Variants in MEMO1 observed in about 807,000 individuals in gnomAD.
MEMO1 encodes the protein protein MEMO1.
MEMO1 carries 6 observed loss-of-function variants against 45.2 expected under a neutral mutation model. The observed-to-expected ratio is 0.13, with a 90% CI of 0.07 to 0.26. The LOEUF is 0.26. Among genes scored for constraint, MEMO1 ranks in the 10% least tolerant of loss-of-function variants. MEMO1 has a pLI of 1.00. For synonymous variants in MEMO1, 78 were observed against 124.3 expected, an observed-to-expected ratio of 0.63 and a Z score of 2.48; for missense variants, 184 against 370.5, an observed-to-expected ratio of 0.50 and a Z score of 4.13.
chr2:31,944,991 T>C lies in MEMO1; in HGVS notation c.62-1608A>G, dbSNP rs1463878684. 2.0e-5 allele frequency among the ~76,000 whole-genome samples: 3 copies of C among 152,310 alleles called. No homozygotes were observed. The East Asian group carries it at 5.8e-4, about 29-fold the overall frequency. On this transcript the variant is annotated intron_variant, in intron 2 of 9. Transcript: ENST00000404530. ...GTTAAGAAATAAATGAATACCTTGC[T>C]GATCCCTTTGTACATCTCCCTCCTT...
chr2:31,988,869 C>G (rs907980089), intron 2 of MEMO1, among the ~76,000 whole-genome samples: 9 of 152,086 alleles, frequency 5.9e-5, no homozygotes, highest in Admixed American at 5.2e-4. Context: ...GAAAGAACAA[C>G]TAGTTACTTA....
chr2:31,891,953 T>C lies in MEMO1; in HGVS notation c.580+39A>G, dbSNP rs748824518. 88 of 1,576,726 alleles carry C rather than the reference T, an allele frequency of 5.6e-5. No individual in the cohort carries two copies. The South Asian group carries it at 8.8e-4, about 16-fold the overall frequency. On this transcript the variant is annotated intron_variant, in intron 7 of 9. Coordinates refer to ENST00000404530, the MANE Select transcript of MEMO1 (RefSeq NM_001301833.4). ...GAAAAGATACCTTTAACCAGAAGTA[T>C]ATAACATCTACCATGATATGTTAAA...
In MEMO1 at chr2:31,997,920, G is replaced by C. The variant is rs74361418; in HGVS notation, c.61+12267C>G. On this transcript the variant is annotated intron_variant, in intron 2 of 9. Transcript: ENST00000404530. Reference sequence around the variant, plus strand: ...TCCCAGTAACACAGGAAATGGCTAAGACGAGAATGGCTTAGACCAGACTTA... The same window carrying C: ...TCCCAGTAACACAGGAAATGGCTAACACGAGAATGGCTTAGACCAGACTTA... Among the ~76,000 whole-genome samples the C allele has an allele frequency of 4.9e-4, 75 of 152,350 alleles. No homozygotes were observed. In the East Asian group the frequency reaches 0.012, roughly 25 times the overall value.
At chr2:31,983,725 C>A (rs1258310379) in intron 2 of MEMO1, among the ~76,000 whole-genome samples, 1 of 152,170 alleles carries the variant, frequency 6.6e-6, no homozygotes, top group Admixed American at 6.5e-5. Flanking sequence ...TGAGCCACCG[C>A]GCCCGGCCCC....
chr2:31,979,298 G>T (rs1202670190), intron 2 of MEMO1, among the ~76,000 whole-genome samples: 2 of 152,022 alleles, frequency 1.3e-5, no homozygotes, highest in Admixed American at 6.6e-5. Flanking sequence ...ATAAGATTTG[G>T]GTGGGGACAC....
chr2:31,913,526 T>A (rs1475587090), intron 6 of MEMO1, among the ~76,000 whole-genome samples: 4 of 151,790 alleles, frequency 2.6e-5, no homozygotes, highest in South Asian at 2.1e-4. Flanking sequence ...AGTTTTTTTT[T>A]TTTTTTATTT....
At chr2:31,879,400 C>T (rs1251437674) in intron 8 of MEMO1, among the ~76,000 whole-genome samples, 1 of 152,148 alleles carries the variant, frequency 6.6e-6, no homozygotes, top group African/African-American at 2.4e-5. Context: ...CCCCTTTGTT[C>T]CTACTCCTTA....
At chr2:31,983,531 T>A (rs527853039) in intron 2 of MEMO1, among the ~76,000 whole-genome samples, 13 of 151,850 alleles carry the variant, frequency 8.6e-5, no homozygotes, top group African/African-American at 3.1e-4. Context: ...GCCTTCCGGG[T>A]TCAAGCGGTT....
chr2:31,936,437 T>C (rs536919724), intron 3 of MEMO1, among the ~76,000 whole-genome samples: 1 of 152,338 alleles, frequency 6.6e-6, no homozygotes, highest in South Asian at 2.1e-4. Context: ...AAATTGATCC[T>C]TCTTTTAACA....
At chr2:31,988,762 T>G (rs1671583140) in intron 2 of MEMO1, among the ~76,000 whole-genome samples, 1 of 152,190 alleles carries the variant, frequency 6.6e-6, no homozygotes, top group Non-Finnish European at 1.5e-5. Flanking sequence ...TAATATTCTG[T>G]GCACTTAAAT....
intron 6 of MEMO1, among the ~76,000 whole-genome samples, chr2:31,892,370 T>C (rs1159179536): frequency 6.6e-6 from 1 of 152,154 alleles, no homozygotes; most frequent in African/African-American, 2.4e-5. Flanking sequence ...CAGAAATATA[T>C]ACTACCTCTT....
chr2:31,994,623 T>A (rs1672344040), intron 2 of MEMO1, among the ~76,000 whole-genome samples: 1 of 151,236 alleles, frequency 6.6e-6, no homozygotes, highest in South Asian at 2.1e-4. Flanking sequence ...AGAGCCAGAC[T>A]TTGTCTAAAA....
intron 8 of MEMO1, among the ~76,000 whole-genome samples, chr2:31,881,671 CT>C (rs1223297045): frequency 1.3e-5 from 2 of 151,894 alleles, no homozygotes; most frequent in Non-Finnish European, 2.9e-5. Flanking sequence ...TTTTTTATAG[CT>C]CTTTTTAATA....
chr2:31,914,494 C>T (rs1281391091), intron 6 of MEMO1, among the ~76,000 whole-genome samples: 1 of 152,110 alleles, frequency 6.6e-6, no homozygotes, highest in Non-Finnish European at 1.5e-5. Flanking sequence ...AAGAATATAA[C>T]TGGATTGTCT....
intron 3 of MEMO1, among the ~76,000 whole-genome samples, chr2:31,933,317 TAAAAAA>T (rs34487390): frequency 9.1e-4 from 22 of 24,106 alleles, no homozygotes; most frequent in African/African-American, 3.0e-3. Context: ...ACCACCTCTT[TAAAAAA>T]AAAAAAAAAA....
At chr2:31,957,493 A>G (rs1459751286) in intron 2 of MEMO1, among the ~76,000 whole-genome samples, 1 of 152,240 alleles carries the variant, frequency 6.6e-6, no homozygotes, top group East Asian at 1.9e-4. Context: ...TATTTAACAA[A>G]TAACATATAG....
At chr2:32,004,667 A>G (rs916512651) in intron 2 of MEMO1, among the ~76,000 whole-genome samples, 2 of 152,192 alleles carry the variant, frequency 1.3e-5, no homozygotes, top group Non-Finnish European at 2.9e-5. Flanking sequence ...TCACACCTGT[A>G]ATCCCAGTAC....
chr2:31,911,264 C>T (rs1483232052), intron 6 of MEMO1, among the ~76,000 whole-genome samples: 1 of 152,046 alleles, frequency 6.6e-6, no homozygotes, highest in Non-Finnish European at 1.5e-5. Flanking sequence ...AAATGAAAGC[C>T]AATTTGAAAG....
At chr2:31,906,003 T>G (rs955801969) in intron 6 of MEMO1, among the ~76,000 whole-genome samples, 1 of 151,938 alleles carries the variant, frequency 6.6e-6, no homozygotes, top group Non-Finnish European at 1.5e-5. Flanking sequence ...GGAGTCTCAC[T>G]CACACTGTCG....
Sources: gnomAD v4.1 joint callset for allele counts (sites outside exome capture counted in the v4.1 genomes callset) on GRCh38, gnomAD v4.1.1 for gene constraint, MANE v1.5 for transcripts, NCBI Gene and HGNC (gene_info 2026-07-23, HGNC 2026-07-21) for gene names.